Variants in SLC35F1 observed in about 807,000 individuals in gnomAD.
SLC35F1 encodes chromosome 6 open reading frame 169.
Under a neutral mutation model 48.7 loss-of-function variants are expected in SLC35F1, and 14 were observed. That is an observed-to-expected ratio of 0.29 (90% confidence interval 0.19 to 0.45). SLC35F1 has a LOEUF of 0.45. Ranked by LOEUF, SLC35F1 falls within the 20% of genes least tolerant of loss-of-function variation. The pLI is 1.00. For missense variants in SLC35F1, 404 were observed against 500.0 expected (o/e 0.81, Z 1.83); for synonymous variants, 190 against 202.2 (o/e 0.94, Z 0.51).
intron 7 of SLC35F1, among the ~76,000 whole-genome samples, chr6:118,299,937 G>C (rs1776236679): frequency 1.3e-5 from 2 of 152,108 alleles, no homozygotes. Flanking sequence ...GGTCATAATA[G>C]TACTTCTCTC....
At chr6:118,060,734 A>G (rs1031065699) in intron 1 of SLC35F1, among the ~76,000 whole-genome samples, 1 of 152,234 alleles carries the variant, frequency 6.6e-6, no homozygotes, top group African/African-American at 2.4e-5. Flanking sequence ...CCTGAATGGA[A>G]GATATTTAGT....
At chr6:118,023,186 G>C (rs1241827204) in intron 1 of SLC35F1, among the ~76,000 whole-genome samples, 2 of 152,302 alleles carry the variant, frequency 1.3e-5, no homozygotes, top group Middle Eastern at 3.4e-3. Flanking sequence ...AGTTTAGGTG[G>C]AGATTTCTGA....
rs570160548 is a variant in SLC35F1, at chr6:118,084,760, T to A, written c.174-69685T>A. Among the ~76,000 whole-genome samples the A allele has an allele frequency of 3.5e-3, 537 of 151,826 alleles. 2 individuals carry two copies. Among genetic ancestry groups the A allele is most frequent in the African/African-American group, 0.012 (514 of 41,422 alleles). On this transcript the variant is annotated intron_variant, in intron 1 of 7. Transcript: ENST00000360388. ...AGAGATTTAGGGCAGGGGTCGGAGG[T>A]GGACAGGGTGCTGGGGAAATGGGGA...
chr6:118,094,618 A>T (rs1045423781), intron 1 of SLC35F1, among the ~76,000 whole-genome samples: 1 of 152,086 alleles, frequency 6.6e-6, no homozygotes, highest in Non-Finnish European at 1.5e-5. Context: ...GAAAACCAGG[A>T]GAGTGTGTTG....
rs537572025 is a variant in SLC35F1, at chr6:118,180,025, T to C, written c.349+25405T>C. Among the ~76,000 whole-genome samples, 43 of 152,198 alleles carry C rather than the reference T, an allele frequency of 2.8e-4. No individual in the cohort carries two copies. The South Asian group carries it at 8.1e-3, about 29-fold the overall frequency. On this transcript the variant is annotated intron_variant, in intron 2 of 7. Transcript: ENST00000360388. ...GAAATCTGTCCCATAAGAAAGGAAA[T>C]AGGGAAATGTGCCTGTCTGAGTTTT...
intron 1 of SLC35F1, chr6:117,998,945 A>G (rs9387532): frequency 0.66 from 552,749 of 841,656 alleles, 182,665 homozygotes; most frequent in East Asian, 0.81. Context: ...GGTTCTAGGC[A>G]CTTCGGGAGC....
chr6:118,006,920 G>T (rs1383688299), intron 1 of SLC35F1, among the ~76,000 whole-genome samples: 1 of 151,760 alleles, frequency 6.6e-6, no homozygotes, highest in East Asian at 1.9e-4. Flanking sequence ...AATAACTTTA[G>T]ACTACAAATT....
At chr6:118,214,608 G>A (rs1314457423) in intron 2 of SLC35F1, among the ~76,000 whole-genome samples, 1 of 152,090 alleles carries the variant, frequency 6.6e-6, no homozygotes, top group Non-Finnish European at 1.5e-5. Context: ...TTTTCAGGGG[G>A]TATACAATTA....
chr6:117,949,989 G>A (rs558065244), intron 1 of SLC35F1, among the ~76,000 whole-genome samples: 12 of 152,224 alleles, frequency 7.9e-5, no homozygotes, highest in Middle Eastern at 3.4e-3. Context: ...CCTCTTTTGA[G>A]TAGCTCTTTT....
intron 2 of SLC35F1, among the ~76,000 whole-genome samples, chr6:118,221,112 C>T (rs897623759): frequency 2.0e-5 from 3 of 151,904 alleles, no homozygotes; most frequent in African/African-American, 7.3e-5. Context: ...CTGGGTCTAC[C>T]TTATTATTAT....
At chr6:118,185,477 T>A (rs1250594986) in intron 2 of SLC35F1, among the ~76,000 whole-genome samples, 1 of 152,102 alleles carries the variant, frequency 6.6e-6, no homozygotes, top group Non-Finnish European at 1.5e-5. Flanking sequence ...CTCAAAACAG[T>A]ATCTAGCCAC....
rs142372210 is a variant in SLC35F1 at position 118,005,221 on chromosome 6, C to G, written c.173+97322C>G. Among the ~76,000 whole-genome samples, 468 of 152,104 alleles carry G rather than the reference C, an allele frequency of 3.1e-3. 2 individuals are homozygous for G. The highest frequency in any genetic ancestry group is 0.011 in the African/African-American group (446 of 41,484). On this transcript the variant is annotated intron_variant, in intron 1 of 7. Coordinates refer to ENST00000360388, the MANE Select transcript of SLC35F1 (RefSeq NM_001029858.4). ...TGGTCCCTATGCGTGTGTGCCTGCT[C>G]ACATGCATACAGGTTGTGGAGAAGA...
At position 118,147,586 on chromosome 6, in the gene SLC35F1, T is replaced by G. The variant is rs563413553; in HGVS notation, c.174-6859T>G. ...AGAAGCCCAAACCCAGAGTGAGAGA[T>G]ATGCGCAATCACGGAGCTTAGTTAG... On this transcript the variant is annotated intron_variant, in intron 1 of 7. Transcript: ENST00000360388. 2.6e-5 allele frequency among the ~76,000 whole-genome samples: 4 copies of G among 152,218 alleles called. No individual in the cohort carries two copies. In the East Asian group the frequency reaches 7.7e-4, roughly 29 times the overall value.
In SLC35F1 at chr6:118,277,631, CAAG is replaced by C. The variant is rs1775934182; in HGVS notation, c.847+86_847+88del. The C allele has an allele frequency of 3.3e-6, 4 of 1,201,682 alleles. No homozygotes were observed. In the South Asian group the frequency reaches 3.7e-5, roughly 11 times the overall value. 74.4% of individuals were successfully genotyped at this position (1,201,682 alleles called of 1,614,324 possible). A position where few individuals can be genotyped will look rare whatever the true frequency, so the allele number is the denominator to read the frequency against. ...TGATGTGGGTCGGGTGGAGCACAAA[CAAG>C]GAGGGGATTTAGAGTGGTAGGGGAC... On this transcript the variant is annotated intron_variant, in intron 6 of 7. Transcript: ENST00000360388.
intron 1 of SLC35F1, among the ~76,000 whole-genome samples, chr6:118,072,519 G>A (rs149615086): frequency 0.011 from 1,710 of 152,110 alleles, 38 homozygotes; most frequent in African/African-American, 0.038. Flanking sequence ...AGCAGAGATC[G>A]TGCCACTGCA....
intron 1 of SLC35F1, among the ~76,000 whole-genome samples, chr6:117,962,227 C>T (rs2114836005): frequency 6.6e-6 from 1 of 152,256 alleles, no homozygotes; most frequent in Non-Finnish European, 1.5e-5. Context: ...CTTTCCCATC[C>T]TGTCTATCAG....
chr6:118,285,195 G>A lies in SLC35F1; in HGVS notation c.859G>A (p.Val287Ile), dbSNP rs201823028. 2.8e-5 allele frequency: 45 copies of A among 1,613,756 alleles called. No homozygotes were observed. The highest frequency in any genetic ancestry group is 3.3e-4 in the Middle Eastern group (2 of 6,058). Residue 287 changes from valine to isoleucine, a missense_variant, in exon 7 of 8, where the codon GTT becomes ATT. Physicochemically the swap from Val to Ile is conservative, Grantham distance 29 (BLOSUM62 3). Transcript: ENST00000360388. Reference sequence around the variant, plus strand: ...TACTCTTCCCCCAGGACTGCTCTACGTTGGCTTTAGTGCCTGCATGTTTGG... The same window carrying A: ...TACTCTTCCCCCAGGACTGCTCTACATTGGCTTTAGTGCCTGCATGTTTGG... ...PWDWQIGLLY[V>I]GFSACMFGLY... is the part of the protein sequence containing the mutation.
intron 2 of SLC35F1, among the ~76,000 whole-genome samples, chr6:118,226,042 T>G (rs1775212787): frequency 6.6e-6 from 1 of 152,126 alleles, no homozygotes; most frequent in South Asian, 2.1e-4. Context: ...GTCGAATAAT[T>G]TGATTTTAAA....
At chr6:117,917,385 G>A (rs1271230201) in intron 1 of SLC35F1, among the ~76,000 whole-genome samples, 4 of 151,838 alleles carry the variant, frequency 2.6e-5, no homozygotes, top group Non-Finnish European at 4.4e-5. Flanking sequence ...TCTGGCTGCT[G>A]TTGGAGAATG....
Sources: allele counts gnomAD v4.1 joint callset (sites outside exome capture counted in the v4.1 genomes callset), GRCh38; gene constraint gnomAD v4.1.1; transcripts MANE v1.5; gene names NCBI Gene and HGNC (gene_info 2026-07-23, HGNC 2026-07-21).